The following SCRT1 variants were observed in gnomAD, a reference collection of about 807,000 sequenced individuals.
The protein encoded by SCRT1 is transcriptional repressor scratch 1.
In SCRT1, 1 loss-of-function variant was observed where a neutral mutation model predicts 3.4. The observed-to-expected ratio is 0.29, with a 90% CI of 0.10 to 1.39. SCRT1 has a LOEUF of 1.39. Among genes scored for constraint, SCRT1 ranks in the 40% most tolerant of loss-of-function variants. The pLI is 0.42. For synonymous variants in SCRT1, 238 were observed against 247.0 expected, an observed-to-expected ratio of 0.96 and a Z score of 0.34; for missense variants, 380 against 526.3, an observed-to-expected ratio of 0.72 and a Z score of 2.72.
chr8:144,334,340 C>G lies in SCRT1; in HGVS notation c.116-224G>C, dbSNP rs372094681. Among the ~76,000 whole-genome samples, 124 of 151,892 alleles carry G rather than the reference C, an allele frequency of 8.2e-4. 1 individual carries two copies. Among genetic ancestry groups the G allele is most frequent in the Non-Finnish European group, 1.4e-3 (95 of 67,874 alleles). On this transcript the variant is annotated intron_variant, in intron 1 of 1. Transcript: ENST00000569446. Reference sequence around the variant, plus strand: ...AGGGGAGGAGAGGATGAGACAGGGCCGGGCCACGCTCCGCCCCCGCCGCCC... The same window carrying G: ...AGGGGAGGAGAGGATGAGACAGGGCGGGGCCACGCTCCGCCCCCGCCGCCC...
Position 144,331,366 on chromosome 8 carries a change from G to A in SCRT1, c.*1819C>T, listed in dbSNP as rs577223250. ...GCCCTGGATCTGTCCCCCTCAGCTG[G>A]AGTCAAAAGGCCTAACTCAAAGGTA... On this transcript the variant is annotated 3_prime_UTR_variant, in exon 2 of 2. Coordinates refer to ENST00000569446, the MANE Select transcript of SCRT1 (RefSeq NM_031309.6). The A allele has an allele frequency of 2.0e-5, 3 of 152,446 alleles. No homozygotes were observed. Among genetic ancestry groups the A allele is most frequent in the Admixed American group, 6.5e-5 (1 of 15,308 alleles). The allele number at this position is 152,446 out of a possible 1,614,324, so 9.4% of individuals were successfully genotyped here.
rs1166818007 is a variant in SCRT1, at chr8:144,333,793, C to T, written c.439G>A (p.Gly147Ser). 9 of 1,212,702 alleles carry T rather than the reference C, an allele frequency of 7.4e-6. No individual in the cohort carries two copies. Among genetic ancestry groups the T allele is most frequent in the Non-Finnish European group, 5.1e-6 (5 of 976,260 alleles). 75.1% of individuals were successfully genotyped at this position (1,212,702 alleles called of 1,614,324 possible). The change falls in exon 2 of 2, where the codon GGC becomes AGC. Residue 147 changes from glycine (G) to serine (S), a missense_variant. Around this residue, in one of 5 missense-constraint regions of SCRT1, gnomAD observed 115 missense variants for 107.3 expected, o/e 1.07. Coordinates refer to ENST00000569446, the MANE Select transcript of SCRT1 (RefSeq NM_031309.6). ...PSTASAAAPDGDAGGGGGAGG... is the reference protein window; with the variant it reads ...PSTASAAAPDSDAGGGGGAGG... ...GCCCCGCCCCCGCCTCCGGCGTCGC[C>T]GTCGGGGGCCGCCGCCGAGGCTGTG... is the stretch of plus-strand genomic sequence containing the variant.
In SCRT1 at chr8:144,332,984, G is replaced by C; in HGVS notation, c.*201C>G. 1.9e-6 allele frequency: 1 copy of C among 517,278 alleles called. No individual in the cohort carries two copies. The highest frequency in any genetic ancestry group is 3.1e-5 in the South Asian group (1 of 31,922). 32.0% of individuals were successfully genotyped at this position (517,278 alleles called of 1,614,324 possible). On this transcript the variant is annotated 3_prime_UTR_variant, in exon 2 of 2. Coordinates refer to ENST00000569446, the MANE Select transcript of SCRT1 (RefSeq NM_031309.6). ...TGGAGGGGAGGGGAGGGGGCTCGGG[G>C]TGGGTCTCCCCTCGGGACCCTATTG...
chr8:144,333,877 TGAA>T lies in SCRT1; in HGVS notation c.352_354del (p.Phe118del), dbSNP rs1817843671. ...TTACGCCGCGAGCGCCCGTCGGTGATGAAGAAGGCGTCCGCCGCGTAGCCCTCG... is the reference window on the plus strand; with the variant it reads ...TTACGCCGCGAGCGCCCGTCGGTGATGAAGGCGTCCGCCGCGTAGCCCTCG... On this transcript the variant is annotated inframe_deletion, in exon 2 of 2. Transcript: ENST00000569446. The T allele has an allele frequency of 1.2e-5, 15 of 1,278,886 alleles. No homozygotes were observed. Among genetic ancestry groups the T allele is most frequent in the East Asian group, 3.2e-5 (1 of 31,600 alleles). The allele number at this position is 1,278,886 out of a possible 1,614,324, so 79.2% of individuals were successfully genotyped here.
At position 144,336,256 on chromosome 8, in the gene SCRT1, G is replaced by T; in HGVS notation, c.-87C>A. ...GCAGGGCCCCGTCACCATCCGAGGA[G>T]CGGCGGAGGCAGCGCGGGTCCCCAC... is the stretch of plus-strand genomic sequence containing the variant. On this transcript the variant is annotated 5_prime_UTR_variant, in exon 1 of 2. Transcript: ENST00000569446. This position sits in a 1 kb window ranked among gnomAD's most constrained non-coding sequence, Gnocchi z 6.8. The T allele has an allele frequency of 1.0e-6, 1 of 993,508 alleles. No homozygotes were observed. The highest frequency in any genetic ancestry group is 1.5e-6 in the Non-Finnish European group (1 of 683,770). 61.5% of individuals were successfully genotyped at this position (993,508 alleles called of 1,614,324 possible). A position where few individuals can be genotyped will look rare whatever the true frequency, so the allele number is the denominator to read the frequency against.
Position 144,336,062 on chromosome 8 carries a change from GTGCA to G in SCRT1, c.104_107del (p.Leu35ProfsTer171). On this transcript the variant is annotated frameshift_variant, in exon 1 of 2. Coordinates refer to ENST00000569446, the MANE Select transcript of SCRT1 (RefSeq NM_031309.6). LOFTEE classifies it low-confidence loss of function (END_TRUNC). The surrounding 1 kb of genome is among the most constrained non-coding windows in gnomAD (Gnocchi z 6.8). ...TCTCAGACCAGCGCTCACCTTTATC[GTGCA>G]GTGGCGCGCCGAGGTCGCTGCGGGC... The G allele has an allele frequency of 6.2e-7, 1 of 1,602,164 alleles. No homozygotes were observed. The highest frequency in any genetic ancestry group is 8.5e-7 in the Non-Finnish European group (1 of 1,174,516).
chr8:144,334,482 C>T (rs868916842), intron 1 of SCRT1, among the ~76,000 whole-genome samples: 20 of 149,668 alleles, frequency 1.3e-4, no homozygotes, highest in Middle Eastern at 6.9e-3. Flanking sequence ...CCCCACCCAC[C>T]CTCCCCTCCC....
In SCRT1 at chr8:144,333,074, T is replaced by G; in HGVS notation, c.*111A>C. ...GTGGGACCGGGCCCCCCTCCCCCTA[T>G]TGCTGTGAGGAGGGGCCCGCCCTCC... On this transcript the variant is annotated 3_prime_UTR_variant, in exon 2 of 2. Coordinates refer to ENST00000569446, the MANE Select transcript of SCRT1 (RefSeq NM_031309.6). 7 of 937,052 alleles carry G rather than the reference T, an allele frequency of 7.5e-6. No homozygotes were observed. Among genetic ancestry groups the G allele is most frequent in the Non-Finnish European group, 9.2e-6 (6 of 653,000 alleles). The allele number at this position is 937,052 out of a possible 1,614,324, so 58.0% of individuals were successfully genotyped here. A position where few individuals can be genotyped will look rare whatever the true frequency, so the allele number is the denominator to read the frequency against.
At position 144,333,717 on chromosome 8, in the gene SCRT1, G is replaced by A; in HGVS notation, c.515C>T (p.Ala172Val). The A allele has an allele frequency of 2.7e-6, 3 of 1,127,156 alleles. No individual in the cohort carries two copies. In the South Asian group the frequency reaches 1.3e-4, roughly 48 times the overall value. The allele number at this position is 1,127,156 out of a possible 1,614,324, so 69.8% of individuals were successfully genotyped here. A position where few individuals can be genotyped will look rare whatever the true frequency, so the allele number is the denominator to read the frequency against. ...CGCGCGCGCCTCGGTGCCTGCCCCC[G>A]CGCGCGTGCCGCCCCGGCCCCCCGG... ...SGPGGRGGTR[A>V]GAGTEARAGP... Residue 172 changes from alanine to valine, a missense_variant, in exon 2 of 2, where the codon GCG (alanine) becomes GTG (valine). Ala to Val is a moderately conservative substitution (Grantham distance 64). Transcript: ENST00000569446.
intron 1 of SCRT1, 45 bp from the exon 2 acceptor site, chr8:144,334,161 G>A (rs1554850093): frequency 2.6e-6 from 2 of 756,540 alleles, no homozygotes; most frequent in Non-Finnish European, 2.0e-6. Context: ...ATGGGGCGGC[G>A]GCAGGACACA....
Position 144,333,737 on chromosome 8 carries a change from C to G in SCRT1, c.495G>C (p.Gly165=). The change falls in exon 2 of 2, where the codon GGG becomes GGC. Residue 165 remains glycine (G), a synonymous_variant. Coordinates refer to ENST00000569446, the MANE Select transcript of SCRT1 (RefSeq NM_031309.6). ...CCCCCGCGCGCGTGCCGCCCCGGCC[C>G]CCCGGCCCGGATCCCAAGCTGCGCC... is the stretch of plus-strand genomic sequence containing the variant. ...AGGRSLGSGP[G]GRGGTRAGAG... is the part of the protein sequence containing the mutation. 9.0e-7 allele frequency: 1 copy of G among 1,115,538 alleles called. No individual in the cohort carries two copies. Among genetic ancestry groups the G allele is most frequent in the Non-Finnish European group, 1.1e-6 (1 of 914,964 alleles). 69.1% of individuals were successfully genotyped at this position (1,115,538 alleles called of 1,614,324 possible).
Position 144,336,102 on chromosome 8 carries a change from G to T in SCRT1, c.68C>A (p.Ala23Asp), listed in dbSNP as rs782613316. The T allele has an allele frequency of 1.2e-6, 2 of 1,610,416 alleles. No individual in the cohort carries two copies. The highest frequency in any genetic ancestry group is 1.7e-6 in the Non-Finnish European group (2 of 1,178,704). ...DAFSSADLES[A>D]YGRARSDLGA... ...GAGGTCGCTGCGGGCGCGTCCGTAGGCGCTCTCCAGGTCGGCCGAAGAGAA... is the reference window on the plus strand; with the variant it reads ...GAGGTCGCTGCGGGCGCGTCCGTAGTCGCTCTCCAGGTCGGCCGAAGAGAA... The change falls in exon 1 of 2, where the codon GCC becomes GAC. Residue 23 changes from alanine to aspartate, a missense_variant. By Grantham distance (126) the Ala-to-Asp change is moderately radical. Coordinates refer to ENST00000569446, the MANE Select transcript of SCRT1 (RefSeq NM_031309.6). This position sits in a 1 kb window ranked among gnomAD's most constrained non-coding sequence, Gnocchi z 6.8.
At position 144,333,175 on chromosome 8, in the gene SCRT1, C is replaced by A. The variant is rs1554849801; in HGVS notation, c.*10G>T. The A allele has an allele frequency of 4.7e-6, 7 of 1,497,710 alleles. No individual in the cohort carries two copies. The allele number at this position is 1,497,710 out of a possible 1,614,324, so 92.8% of individuals were successfully genotyped here. A position where few individuals can be genotyped will look rare whatever the true frequency, so the allele number is the denominator to read the frequency against. On this transcript the variant is annotated 3_prime_UTR_variant, in exon 2 of 2. Coordinates refer to ENST00000569446, the MANE Select transcript of SCRT1 (RefSeq NM_031309.6). Reference sequence around the variant, plus strand: ...TGAGAGCCGACCTGGCTGGGGGAGGCCCCGCCGCCCTAGGCCTGCACAGGG... The same window carrying A: ...TGAGAGCCGACCTGGCTGGGGGAGGACCCGCCGCCCTAGGCCTGCACAGGG...
At chr8:144,334,548 C>G (rs539228320) in intron 1 of SCRT1, among the ~76,000 whole-genome samples, 18 of 150,696 alleles carry the variant, frequency 1.2e-4, no homozygotes, top group African/African-American at 3.9e-4. Context: ...CACTGCAGAC[C>G]CGCGGCGCAC....
At position 144,332,689 on chromosome 8, in the gene SCRT1, C is replaced by G. The variant is rs1372797364; in HGVS notation, c.*496G>C. 6.5e-6 allele frequency: 1 copy of G among 152,892 alleles called. No individual in the cohort carries two copies. The highest frequency in any genetic ancestry group is 1.5e-5 in the Non-Finnish European group (1 of 68,314). The allele number at this position is 152,892 out of a possible 1,614,324, so 9.5% of individuals were successfully genotyped here. ...GCGAAGGCTGCTAGGCAGGGGCGTC[C>G]CTGCAGGCCCGCCCGCTCCTGCTCC... On this transcript the variant is annotated 3_prime_UTR_variant, in exon 2 of 2. Coordinates refer to ENST00000569446, the MANE Select transcript of SCRT1 (RefSeq NM_031309.6).
At position 144,330,577 on chromosome 8, in the gene SCRT1, T is replaced by C. The variant is rs1423788323; in HGVS notation, c.*2608A>G. 1 of 152,122 alleles carries C rather than the reference T, an allele frequency of 6.6e-6. No homozygotes were observed. The highest frequency in any genetic ancestry group is 2.4e-5 in the African/African-American group (1 of 41,400). The allele number at this position is 152,122 out of a possible 1,614,324, so 9.4% of individuals were successfully genotyped here. ...CCGACACTCCAAATTCTATCAAGAG[T>C]GGCATTTATTCTCCTTGTGGAGGTG... On this transcript the variant is annotated 3_prime_UTR_variant, in exon 2 of 2. Coordinates refer to ENST00000569446, the MANE Select transcript of SCRT1 (RefSeq NM_031309.6).
rs1322532550 is a variant in SCRT1 at position 144,332,915 on chromosome 8, T to C, written c.*270A>G. 1 of 446,084 alleles carries C rather than the reference T, an allele frequency of 2.2e-6. No individual in the cohort carries two copies. Among genetic ancestry groups the C allele is most frequent in the African/African-American group, 2.1e-5 (1 of 48,092 alleles). The allele number at this position is 446,084 out of a possible 1,614,324, so 27.6% of individuals were successfully genotyped here. A position where few individuals can be genotyped will look rare whatever the true frequency, so the allele number is the denominator to read the frequency against. On this transcript the variant is annotated 3_prime_UTR_variant, in exon 2 of 2. Coordinates refer to ENST00000569446, the MANE Select transcript of SCRT1 (RefSeq NM_031309.6). ...CCAACTCGGAGATGAGGTTCGGTTC[T>C]AGGTCTCGTCGACCCTATTGCTGGG...
rs1479274222 is a variant in SCRT1, at chr8:144,330,590, C to T, written c.*2595G>A. 1 of 152,286 alleles carries T rather than the reference C, an allele frequency of 6.6e-6. No individual in the cohort carries two copies. Among genetic ancestry groups the T allele is most frequent in the Non-Finnish European group, 1.5e-5 (1 of 68,084 alleles). The allele number at this position is 152,286 out of a possible 1,614,324, so 9.4% of individuals were successfully genotyped here. On this transcript the variant is annotated 3_prime_UTR_variant, in exon 2 of 2. Transcript: ENST00000569446. Reference sequence around the variant, plus strand: ...TTCTATCAAGAGTGGCATTTATTCTCCTTGTGGAGGTGCGGTGCTCCGGGG... The same window carrying T: ...TTCTATCAAGAGTGGCATTTATTCTTCTTGTGGAGGTGCGGTGCTCCGGGG...
In SCRT1 at chr8:144,332,642, G is replaced by A. The variant is rs1192636631; in HGVS notation, c.*543C>T. 6.6e-6 allele frequency: 1 copy of A among 152,570 alleles called. No homozygotes were observed. The highest frequency in any genetic ancestry group is 1.5e-5 in the Non-Finnish European group (1 of 68,062). 9.5% of individuals were successfully genotyped at this position (152,570 alleles called of 1,614,324 possible). ...CGCCCCTCTCCCCGACCCACAACGCGTCTAACACTGCCGGGAGTTCCGCGA... is the reference window on the plus strand; with the variant it reads ...CGCCCCTCTCCCCGACCCACAACGCATCTAACACTGCCGGGAGTTCCGCGA... On this transcript the variant is annotated 3_prime_UTR_variant, in exon 2 of 2. Transcript: ENST00000569446.
Sources: gnomAD v4.1 joint callset for allele counts (sites outside exome capture counted in the v4.1 genomes callset) on GRCh38, gnomAD v4.1.1 for gene constraint, gnomAD v4.1.1 regional missense constraint, Gnocchi (gnomAD v3.1) non-coding constraint, MANE v1.5 for transcripts, NCBI Gene and HGNC (gene_info 2026-07-23, HGNC 2026-07-21) for gene names.